The following PDK3 variants were observed in gnomAD, a reference collection of about 807,000 sequenced individuals.
PDK3 encodes pyruvate dehydrogenase kinase, isozyme 3.
A neutral mutation model predicts 32.0 loss-of-function variants in PDK3; 12 were observed. The ratio of observed to expected loss-of-function variants is 0.37; its 90% CI spans 0.24 to 0.61. PDK3 has a LOEUF of 0.61. Among genes scored for constraint, PDK3 ranks in the 20% least tolerant of loss-of-function variants. The probability of loss-of-function intolerance (pLI) is 0.65; values close to 1 mark genes in which losing one functional copy is unlikely to be tolerated. For missense variants in PDK3, 188 were observed against 316.9 expected, an observed-to-expected ratio of 0.59 and a Z score of 3.09; for synonymous variants, 122 against 116.3, an observed-to-expected ratio of 1.05 and a Z score of -0.31.
chrX:24,506,801 CTTTTTTTTTTTTTTTT>C (rs10682263), intron 5 of PDK3, among the ~76,000 whole-genome samples: 2 of 49,505 alleles, frequency 4.0e-5, no homozygotes, highest in South Asian at 1.7e-3. Context: ...TTTTTTCTTT[CTTTTTTTTTTTTTTTT>C]TTTTTTTTTT....
intron 10 of PDK3, among the ~76,000 whole-genome samples, chrX:24,533,037 G>C (rs1366949493): frequency 9.0e-6 from 1 of 111,260 alleles, no homozygotes; most frequent in Non-Finnish European, 1.9e-5. Flanking sequence ...ATGCTTAACA[G>C]GTAAGCACAA....
chrX:24,547,563 T>C (rs975231628), exon 12 of PDK3: 3 of 112,523 alleles, frequency 2.7e-5, no homozygotes, highest in African/African-American at 9.7e-5. Flanking sequence ...TTGAATACCA[T>C]GGCTTGAGCT....
At chrX:24,468,007 A>G (rs1163565553) in intron 1 of PDK3, among the ~76,000 whole-genome samples, 4 of 112,088 alleles carry the variant, frequency 3.6e-5, no homozygotes, top group Admixed American at 2.8e-4. Flanking sequence ...ACAGGCTGCT[A>G]GTTTATGAAC....
exon 12 of PDK3, chrX:24,547,012 G>A (rs1207611): frequency 0.16 from 18,240 of 111,796 alleles, 1,459 homozygotes; most frequent in Middle Eastern, 0.25. Flanking sequence ...ATAAAACACC[G>A]AAAGGTGGAG....
exon 12 of PDK3, among the ~76,000 whole-genome samples, chrX:24,541,422 C>G (rs865929468): frequency 9.0e-6 from 1 of 110,927 alleles, no homozygotes; most frequent in African/African-American, 3.3e-5. Context: ...TGTAAGGGGC[C>G]GAATATGGAT....
At chrX:24,506,814 T>TTTC (rs1921993030) in intron 5 of PDK3, among the ~76,000 whole-genome samples, 1 of 78,122 alleles carries the variant, frequency 1.3e-5, no homozygotes, top group Non-Finnish European at 2.5e-5. Context: ...TTTTTTTTTT[T>TTTC]TTTTTTTTTT....
At position 24,498,836 on chromosome X, in the gene PDK3, C is replaced by A. The variant is rs2148190098; in HGVS notation, c.256C>A (p.Gln86Lys). ...TTTTTTTTTTCCTTTTAGGTATATG[C>A]AGAGTTTTCTTGAACTTTTAGAATA... ...SVGLVQSWYM[Q>K]SFLELLEYEN... Residue 86 changes from glutamine (Q) to lysine (K), a missense_variant, in exon 3 of 11, where the codon CAG (glutamine) becomes AAG (lysine). By Grantham distance (53) the Gln-to-Lys change is moderately conservative (BLOSUM62 1). Coordinates refer to ENST00000379162, the MANE Select transcript of PDK3 (RefSeq NM_005391.5). 9.0e-7 allele frequency: 1 copy of A among 1,116,079 alleles called. No individual in the cohort carries two copies. Among genetic ancestry groups the A allele is most frequent in the Non-Finnish European group, 1.2e-6 (1 of 829,680 alleles). The allele number at this position is 1,116,079 out of a possible 1,213,427, so 92.0% of individuals were successfully genotyped here.
chrX:24,506,114 T>C (rs1222212120), intron 5 of PDK3, among the ~76,000 whole-genome samples: 1 of 112,035 alleles, frequency 8.9e-6, no homozygotes, highest in Admixed American at 9.5e-5. Flanking sequence ...GGAAAACCTC[T>C]GTAATTTGTT....
intron 1 of PDK3, among the ~76,000 whole-genome samples, chrX:24,470,637 A>G (rs1920980105): frequency 9.7e-6 from 1 of 103,425 alleles, no homozygotes; most frequent in African/African-American, 3.5e-5. Flanking sequence ...CAGTGAGCCA[A>G]GATCATGCCC....
chrX:24,481,761 G>A (rs1246922610), intron 1 of PDK3, among the ~76,000 whole-genome samples: 1 of 112,120 alleles, frequency 8.9e-6, no homozygotes, highest in Non-Finnish European at 1.9e-5. Flanking sequence ...ATGATTGTAA[G>A]TTTCCTGAGG....
intron 5 of PDK3, among the ~76,000 whole-genome samples, chrX:24,515,913 A>G (rs937015741): frequency 3.6e-5 from 4 of 110,429 alleles, no homozygotes; most frequent in Non-Finnish European, 3.8e-5. Flanking sequence ...GCTGTCCCTC[A>G]TTATTTCACC....
chrX:24,483,449 C>T (rs780304888), intron 1 of PDK3, among the ~76,000 whole-genome samples: 1 of 111,945 alleles, frequency 8.9e-6, no homozygotes, highest in Non-Finnish European at 1.9e-5. Flanking sequence ...CTGTTCTGAA[C>T]ACATCATGTC....
At chrX:24,502,708 G>A (rs979092155) in intron 3 of PDK3, among the ~76,000 whole-genome samples, 37 of 111,056 alleles carry the variant, frequency 3.3e-4, no homozygotes, top group African/African-American at 1.1e-3. Context: ...GCCAGGCGTG[G>A]TGGCGTACAC....
At chrX:24,523,331 TG>T (rs1241520887) in intron 6 of PDK3, among the ~76,000 whole-genome samples, 1 of 112,437 alleles carries the variant, frequency 8.9e-6, no homozygotes, top group Non-Finnish European at 1.9e-5. Flanking sequence ...CATAGGAATT[TG>T]GGGGAGACAC....
At chrX:24,504,853 T>A (rs11094969) in intron 4 of PDK3, among the ~76,000 whole-genome samples, 54,073 of 110,407 alleles carry the variant, frequency 0.49, 9,970 homozygotes, top group African/African-American at 0.67. Flanking sequence ...AAGTTGGAGT[T>A]TGTGTCTGGA....
At chrX:24,504,808 A>G (rs1462143275) in intron 4 of PDK3, among the ~76,000 whole-genome samples, 2 of 112,407 alleles carry the variant, frequency 1.8e-5, no homozygotes, top group Admixed American at 1.9e-4. Context: ...AGCTTGTCCA[A>G]ATGGTATAGA....
intron 5 of PDK3, among the ~76,000 whole-genome samples, chrX:24,507,447 C>T (rs1922013548): frequency 8.9e-6 from 1 of 111,739 alleles, no homozygotes; most frequent in Non-Finnish European, 1.9e-5. Context: ...ATTAAGTAAC[C>T]TCTTTGGGGC....
chrX:24,482,587 T>G (rs888486056), intron 1 of PDK3, among the ~76,000 whole-genome samples: 5 of 112,225 alleles, frequency 4.5e-5, no homozygotes, highest in African/African-American at 1.6e-4. Flanking sequence ...CTATTAGCAA[T>G]GCTGAGGTTT....
At chrX:24,515,431 G>A (rs987250898) in intron 5 of PDK3, among the ~76,000 whole-genome samples, 2 of 112,345 alleles carry the variant, frequency 1.8e-5, no homozygotes, top group African/African-American at 3.2e-5. Context: ...CTGGGCAAGC[G>A]AATTCCATGA....
Sources: gnomAD v4.1 joint callset for allele counts (sites outside exome capture counted in the v4.1 genomes callset) on GRCh38, gnomAD v4.1.1 for gene constraint, MANE v1.5 for transcripts, NCBI Gene and HGNC (gene_info 2026-07-23, HGNC 2026-07-21) for gene names.